Variants in MAST4 observed in about 807,000 individuals in gnomAD.
MAST4 encodes microtubule-associated serine/threonine-protein kinase 4.
A neutral mutation model predicts 162.7 loss-of-function variants in MAST4; 89 were observed. That is an observed-to-expected ratio of 0.55 (90% confidence interval 0.46 to 0.65). MAST4 has a LOEUF of 0.65. Among genes scored for constraint, MAST4 ranks in the 30% least tolerant of loss-of-function variants. The pLI is 0.00. For synonymous variants in MAST4, 1,479 were observed against 1,361.1 expected, an observed-to-expected ratio of 1.09 and a Z score of -1.91; for missense variants, 3,153 against 3,374.0, an observed-to-expected ratio of 0.93 and a Z score of 1.62.
intron 1 of MAST4, among the ~76,000 whole-genome samples, chr5:66,625,611 GAA>G (rs749696289): frequency 7.2e-5 from 11 of 152,082 alleles, no homozygotes; most frequent in Non-Finnish European, 1.5e-4. Flanking sequence ...TCATCATCAG[GAA>G]AAAGAGTCAA....
chr5:66,753,889 GCAAAAAT>G (rs1231545356), intron 1 of MAST4, among the ~76,000 whole-genome samples: 1 of 150,710 alleles, frequency 6.6e-6, no homozygotes, highest in Non-Finnish European at 1.5e-5. Context: ...GAACACTGAC[GCAAAAAT>G]CCTGAATAAA....
chr5:66,643,878 G>GTTTTTT (rs71610525), intron 1 of MAST4, among the ~76,000 whole-genome samples: 1 of 141,966 alleles, frequency 7.0e-6, no homozygotes, highest in Non-Finnish European at 1.5e-5. Flanking sequence ...AATAGCTTGT[G>GTTTTTT]TTTTTTTTTT....
chr5:66,849,610 C>T (rs1759154255), intron 3 of MAST4, among the ~76,000 whole-genome samples: 1 of 152,142 alleles, frequency 6.6e-6, no homozygotes, highest in African/African-American at 2.4e-5. Flanking sequence ...TGCAGACCAC[C>T]ATCACCTAGC....
chr5:66,832,260 C>A (rs1355419568), intron 3 of MAST4, among the ~76,000 whole-genome samples: 1 of 152,060 alleles, frequency 6.6e-6, no homozygotes, highest in Non-Finnish European at 1.5e-5. Flanking sequence ...TCACGTGCAG[C>A]TAGAATGTGA....
chr5:66,881,829 A>G (rs1178574093), intron 3 of MAST4, among the ~76,000 whole-genome samples: 2 of 152,200 alleles, frequency 1.3e-5, no homozygotes, highest in Non-Finnish European at 2.9e-5. Context: ...ATTTGCCCCC[A>G]AGTCCCCTTA....
chr5:66,919,978 T>TTC (rs70987149), intron 4 of MAST4, among the ~76,000 whole-genome samples: 56 of 126,952 alleles, frequency 4.4e-4, no homozygotes, highest in South Asian at 2.3e-3. Flanking sequence ...CCTTCCTTCT[T>TTC]TCTCTCTCTC....
rs973445392 is a variant in MAST4 at position 67,138,867 on chromosome 5, A to G, written c.2494+2203A>G. Among the ~76,000 whole-genome samples the G allele has an allele frequency of 4.6e-5, 7 of 152,326 alleles. No homozygotes were observed. In the East Asian group the frequency reaches 1.2e-3, roughly 25 times the overall value. Reference sequence around the variant, plus strand: ...TTAAATGTTCAGACTAAGGATGTTCAGCCTGTATTCTGTCCTGTATTTACT... The same window carrying G: ...TTAAATGTTCAGACTAAGGATGTTCGGCCTGTATTCTGTCCTGTATTTACT... On this transcript the variant is annotated intron_variant, in intron 19 of 28. Transcript: ENST00000403625.
intron 5 of MAST4, among the ~76,000 whole-genome samples, chr5:67,071,679 G>A (rs1192958226): frequency 1.3e-5 from 2 of 152,206 alleles, no homozygotes; most frequent in Admixed American, 6.5e-5. Flanking sequence ...AGAATTGCTT[G>A]AACACGGGAG....
At chr5:66,987,855 G>A (rs890834002) in intron 4 of MAST4, among the ~76,000 whole-genome samples, 1 of 152,170 alleles carries the variant, frequency 6.6e-6, no homozygotes, top group Non-Finnish European at 1.5e-5. Context: ...TACACTGACT[G>A]TAGTTAGGAT....
intron 1 of MAST4, among the ~76,000 whole-genome samples, chr5:66,636,247 T>A (rs1745115676): frequency 6.6e-6 from 1 of 152,074 alleles, no homozygotes; most frequent in Non-Finnish European, 1.5e-5. Context: ...TGAGCCACCG[T>A]GCCTGGCCAA....
intron 12 of MAST4, among the ~76,000 whole-genome samples, chr5:67,116,924 A>G (rs149805284): frequency 1.8e-4 from 27 of 152,328 alleles, no homozygotes; most frequent in Non-Finnish European, 2.1e-4. Flanking sequence ...AAGGTTAGGA[A>G]TTGGGAGTTC....
At chr5:67,031,802 G>A (rs1384800442) in intron 4 of MAST4, among the ~76,000 whole-genome samples, 1 of 152,120 alleles carries the variant, frequency 6.6e-6, no homozygotes, top group Non-Finnish European at 1.5e-5. Flanking sequence ...TTACTGCCTA[G>A]TGACCTATTC....
intron 1 of MAST4, among the ~76,000 whole-genome samples, chr5:66,640,018 G>A (rs1029008532): frequency 6.6e-6 from 1 of 152,070 alleles, no homozygotes; most frequent in Non-Finnish European, 1.5e-5. Flanking sequence ...TCCCCATGCT[G>A]TACATTTGAT....
chr5:66,645,845 C>T (rs181904292), intron 1 of MAST4, among the ~76,000 whole-genome samples: 1 of 152,178 alleles, frequency 6.6e-6, no homozygotes, highest in Non-Finnish European at 1.5e-5. Flanking sequence ...AAATTCTAGT[C>T]CATTCCACCT....
intron 21 of MAST4, 34 bp downstream of exon 21, chr5:67,142,567 C>T (rs1340978545): frequency 1.4e-6 from 2 of 1,382,616 alleles, no homozygotes; most frequent in Non-Finnish European, 2.0e-6. Context: ...TACAGAGTCT[C>T]TCTGGGAGGA....
At position 67,133,579 on chromosome 5, in the gene MAST4, T is replaced by C; in HGVS notation, c.2159T>C (p.Met720Thr). 6.2e-7 allele frequency: 1 copy of C among 1,613,512 alleles called. No homozygotes were observed. The highest frequency in any genetic ancestry group is 8.5e-7 in the Non-Finnish European group (1 of 1,179,510). ...TDFGLSKVGLMSMTTNLYEGH... is the reference protein window; with the variant it reads ...TDFGLSKVGLTSMTTNLYEGH... ...TTTGGATTATCTAAGGTGGGACTAA[T>C]GAGCATGACTACCAACCTTTACGAG... The change falls in exon 17 of 29, where the codon ATG (methionine) becomes ACG (threonine). Residue 720 changes from methionine to threonine, a missense_variant. Coordinates refer to ENST00000403625, the MANE Select transcript of MAST4 (RefSeq NM_001164664.2).
chr5:66,890,929 T>G (rs1304014182), intron 3 of MAST4, among the ~76,000 whole-genome samples: 3 of 152,154 alleles, frequency 2.0e-5, no homozygotes, highest in African/African-American at 7.2e-5. Flanking sequence ...AAATGTGAGA[T>G]GCCATTATTA....
At chr5:66,935,096 T>C (rs1742598374) in intron 4 of MAST4, among the ~76,000 whole-genome samples, 1 of 152,180 alleles carries the variant, frequency 6.6e-6, no homozygotes, top group African/African-American at 2.4e-5. Flanking sequence ...TGAGAGAGTG[T>C]ATCAAAAATG....
chr5:66,648,034 ATGTGTGTGTGTGTGTGTGTG>A lies in MAST4; in HGVS notation c.363+51047_363+51066del, dbSNP rs745965169. 5.9e-3 allele frequency among the ~76,000 whole-genome samples: 703 copies of A among 119,068 alleles called. 8 individuals are homozygous for A. Among genetic ancestry groups the A allele is most frequent in the African/African-American group, 0.019 (605 of 31,484 alleles). The allele number at this position is 119,068 out of a possible 152,430, so 78.1% of individuals were successfully genotyped here. On this transcript the variant is annotated intron_variant, in intron 1 of 28. Transcript: ENST00000403625. ...AATGTAGGCCTGTGTGTGTTAGGTA[ATGTGTGTGTGTGTGTGTGTG>A]TGTGTGTGTGTGTGTGTGTGTGTGT...
Sources: gnomAD v4.1 joint callset for allele counts (sites outside exome capture counted in the v4.1 genomes callset) on GRCh38, gnomAD v4.1.1 for gene constraint, MANE v1.5 for transcripts, NCBI Gene and HGNC (gene_info 2026-07-23, HGNC 2026-07-21) for gene names.